The following NASP variants were observed in gnomAD, a reference collection of about 807,000 sequenced individuals.
NASP encodes nuclear autoantigenic sperm protein.
In NASP, 24 loss-of-function variants were observed where a neutral mutation model predicts 89.5. The observed-to-expected ratio is 0.27, with a 90% CI of 0.19 to 0.38. The LOEUF (loss-of-function observed/expected upper bound fraction) is 0.38. Ranked by LOEUF, NASP falls within the 10% of genes least tolerant of loss-of-function variation. The pLI, the probability that NASP is intolerant of heterozygous loss-of-function variation, is 1.00. For synonymous variants in NASP, 306 were observed against 324.7 expected, an observed-to-expected ratio of 0.94 and a Z score of 0.62; for missense variants, 848 against 921.4, an observed-to-expected ratio of 0.92 and a Z score of 1.03.
intron 2 of NASP, chr1:45,592,746 C>G (rs1259218724): frequency 2.0e-5 from 3 of 152,204 alleles, no homozygotes; most frequent in Non-Finnish European, 2.9e-5. Flanking sequence ...AACTCCTGAC[C>G]TCGGGCGATC....
intron 2 of NASP, 46 bp downstream of exon 2, chr1:45,591,316 C>T (rs766442313): frequency 8.3e-7 from 1 of 1,200,992 alleles, no homozygotes; most frequent in South Asian, 1.4e-5. Context: ...GAAACATAAA[C>T]TAAGAGCAAT....
In NASP at chr1:45,591,377, C is replaced by T. The variant is rs573991513; in HGVS notation, c.107+107C>T. 1.0e-5 allele frequency: 8 copies of T among 783,110 alleles called. No homozygotes were observed. The East Asian group carries it at 2.6e-4, about 25-fold the overall frequency. 48.5% of individuals were successfully genotyped at this position (783,110 alleles called of 1,614,324 possible). On this transcript the variant is annotated intron_variant, in intron 2 of 14. Coordinates refer to ENST00000350030, the MANE Select transcript of NASP (RefSeq NM_002482.4). ...TTAATTAATTTATTTTTGATAGAGG[C>T]AAGGTGTCGCTTTGTTGCTCAGGCC...
chr1:45,615,312 A>G lies in NASP; in HGVS notation c.1863A>G (p.Leu621=), dbSNP rs201381154. The G allele has an allele frequency of 3.7e-6, 6 of 1,613,980 alleles. No individual in the cohort carries two copies. The highest frequency in any genetic ancestry group is 1.3e-5 in the African/African-American group (1 of 75,020). The change falls in exon 11 of 15, where the codon CTA becomes CTG. Residue 621 remains leucine (L), a synonymous_variant. Coordinates refer to ENST00000350030, the MANE Select transcript of NASP (RefSeq NM_002482.4). ...IEVIENRMAV[L]NEQVKEAEGS... is the part of the protein sequence containing the mutation. ...TCACTTTATTCTTTTTAGCTGTACT[A>G]AACGAGCAGGTGAAGGAGGCTGAAG...
chr1:45,596,647 G>C (rs1012970961), intron 2 of NASP, among the ~76,000 whole-genome samples: 1 of 152,194 alleles, frequency 6.6e-6, no homozygotes, highest in African/African-American at 2.4e-5. Flanking sequence ...GTACCAGTAT[G>C]AGAAGTTCAT....
intron 1 of NASP, among the ~76,000 whole-genome samples, chr1:45,587,217 G>A (rs1012273831): frequency 1.1e-4 from 17 of 151,416 alleles, no homozygotes; most frequent in Admixed American, 2.0e-4. Context: ...TTGAGAGGGA[G>A]TTTTGTCACC....
chr1:45,608,502 T>A (rs1643948947), intron 6 of NASP, 165 bp downstream of exon 6: 4 of 686,176 alleles, frequency 5.8e-6, no homozygotes, highest in African/African-American at 5.4e-5. Context: ...GATAGTCAAG[T>A]AAGTTCAATC....
intron 2 of NASP, among the ~76,000 whole-genome samples, chr1:45,599,953 A>AT (rs11302173): frequency 0.079 from 6,223 of 79,082 alleles, 320 homozygotes; most frequent in African/African-American, 0.15. Context: ...TTTCCTCTGT[A>AT]TTTTTTTTTT....
At chr1:45,587,687 T>TATATATATATATATATA (rs66829841) in intron 1 of NASP, among the ~76,000 whole-genome samples, 37 of 78,148 alleles carry the variant, frequency 4.7e-4, no homozygotes, top group African/African-American at 6.9e-4. Flanking sequence ...TATATATATA[T>TATATATATATATATATA]AATTAATTTT....
intron 2 of NASP, among the ~76,000 whole-genome samples, chr1:45,595,419 T>C (rs956244222): frequency 6.6e-6 from 1 of 152,154 alleles, no homozygotes; most frequent in African/African-American, 2.4e-5. Context: ...TTTTGTTTGT[T>C]CACTGAATAA....
In NASP at chr1:45,599,820, A is replaced by C. The variant is rs141468960; in HGVS notation, c.108-2435A>C. On this transcript the variant is annotated intron_variant, in intron 2 of 14. Coordinates refer to ENST00000350030, the MANE Select transcript of NASP (RefSeq NM_002482.4). ...TGATGCTGCTCTCTCCCTCTTCCTC[A>C]CCTTTATTTCCCATAATTCTTCCCC... 2.4e-4 allele frequency among the ~76,000 whole-genome samples: 37 copies of C among 151,944 alleles called. 1 individual carries two copies. The East Asian group carries it at 6.4e-3, about 26-fold the overall frequency.
At chr1:45,600,376 C>A (rs1188423920) in intron 2 of NASP, 1 of 1,274,358 alleles carries the variant, frequency 7.8e-7, no homozygotes, top group South Asian at 1.3e-5. Flanking sequence ...TACTTCATTC[C>A]CTCCCCAGCA....
intron 2 of NASP, among the ~76,000 whole-genome samples, chr1:45,592,409 A>T (rs193055642): frequency 3.9e-5 from 6 of 152,198 alleles, no homozygotes; most frequent in Non-Finnish European, 7.4e-5. Flanking sequence ...TACCATGCCC[A>T]GCTGATTTTA....
chr1:45,617,661 C>T lies in NASP; in HGVS notation c.2286+70C>T. 9 of 1,490,680 alleles carry T rather than the reference C, an allele frequency of 6.0e-6. No individual in the cohort carries two copies. In the South Asian group the frequency reaches 1.2e-4, roughly 20 times the overall value. The allele number at this position is 1,490,680 out of a possible 1,614,324, so 92.3% of individuals were successfully genotyped here. A position where few individuals can be genotyped will look rare whatever the true frequency, so the allele number is the denominator to read the frequency against. ...CTCAGGACCTGGGGAAATCAGTCCT[C>T]TCAAGTGCATGCTCCCCACCTTGAG... On this transcript the variant is annotated intron_variant, in intron 14 of 14. Transcript: ENST00000350030.
rs2148360691 is a variant in NASP at position 45,608,194 on chromosome 1, C to G, written c.1283C>G (p.Ser428Cys). The change falls in exon 6 of 15, where the codon TCT becomes TGT. Residue 428 changes from serine (S) to cysteine (C), a missense_variant. Transcript: ENST00000350030. ...LVPSQEETKL[S>C]VEESEAAGDG... Reference sequence around the variant, plus strand: ...CCTAGTCAGGAGGAGACTAAGCTGTCTGTAGAAGAGTCTGAGGCAGCTGGA... The same window carrying G: ...CCTAGTCAGGAGGAGACTAAGCTGTGTGTAGAAGAGTCTGAGGCAGCTGGA... 1.2e-6 allele frequency: 2 copies of G among 1,614,170 alleles called. No individual in the cohort carries two copies. The highest frequency in any genetic ancestry group is 1.7e-6 in the Non-Finnish European group (2 of 1,180,028).
At chr1:45,614,229 A>C (rs1644063789) in intron 8 of NASP, 48 bp downstream of exon 8, 1 of 1,595,148 alleles carries the variant, frequency 6.3e-7, no homozygotes, top group East Asian at 2.2e-5. Flanking sequence ...TTGGTGGTTA[A>C]ATAGAAACCA....
chr1:45,606,383 C>A (rs1258525291), intron 4 of NASP, 99 bp from the exon 5 acceptor site: 1 of 766,932 alleles, frequency 1.3e-6, no homozygotes, highest in African/African-American at 1.8e-5. Context: ...GCTTGGCTTA[C>A]ACTTCTTGCT....
At chr1:45,613,478 A>G (rs991813502) in intron 7 of NASP, among the ~76,000 whole-genome samples, 1 of 152,048 alleles carries the variant, frequency 6.6e-6, no homozygotes, top group African/African-American at 2.4e-5. Flanking sequence ...TACCTAGTTT[A>G]GGCACGATTA....
chr1:45,617,808 G>T (rs947733056), intron 14 of NASP, among the ~76,000 whole-genome samples: 1 of 152,182 alleles, frequency 6.6e-6, no homozygotes, highest in Admixed American at 6.5e-5. Context: ...TAGGTCCCTC[G>T]ATGAATATAT....
rs999481177 is a variant in NASP, at chr1:45,588,910, G to A, written c.60-2313G>A. The A allele has an allele frequency of 4.9e-4, 91 of 184,538 alleles. 1 individual carries two copies. Among genetic ancestry groups the A allele is most frequent in the African/African-American group, 1.9e-3 (79 of 41,852 alleles). The allele number at this position is 184,538 out of a possible 1,614,324, so 11.4% of individuals were successfully genotyped here. Reference sequence around the variant, plus strand: ...TGCACTCCAGCCTGGGCAACAGTGCGAGACTCCGTCTCAAAAACAAAAGAA... The same window carrying A: ...TGCACTCCAGCCTGGGCAACAGTGCAAGACTCCGTCTCAAAAACAAAAGAA... On this transcript the variant is annotated intron_variant, in intron 1 of 14. Coordinates refer to ENST00000350030, the MANE Select transcript of NASP (RefSeq NM_002482.4).
Sources: allele counts gnomAD v4.1 joint callset (sites outside exome capture counted in the v4.1 genomes callset), GRCh38; gene constraint gnomAD v4.1.1; transcripts MANE v1.5; gene names NCBI Gene and HGNC (gene_info 2026-07-23, HGNC 2026-07-21).